Variants in ADCY2 observed in about 807,000 individuals in gnomAD.
ADCY2 encodes the protein adenylate cyclase 2.
Under a neutral mutation model 125.2 loss-of-function variants are expected in ADCY2, and 31 were observed. The ratio of observed to expected loss-of-function variants is 0.25; its 90% CI spans 0.19 to 0.33. ADCY2 has a LOEUF of 0.33. Among genes scored for constraint, ADCY2 ranks in the 10% least tolerant of loss-of-function variants. The pLI, the probability that ADCY2 is intolerant of heterozygous loss-of-function variation, is 1.00. For missense variants in ADCY2, 904 were observed against 1,418.2 expected (o/e 0.64, Z 5.82); for synonymous variants, 512 against 548.4 (o/e 0.93, Z 0.93).
At chr5:7,712,932 T>G in intron 11 of ADCY2, 33 bp downstream of exon 11, 1 of 1,430,492 alleles carries the variant, frequency 7.0e-7, no homozygotes, top group Non-Finnish European at 9.8e-7. Context: ...TTTTTAAAGC[T>G]TATTGCTCTT....
At chr5:7,815,056 C>T (rs1745066463) in intron 22 of ADCY2, among the ~76,000 whole-genome samples, 1 of 152,198 alleles carries the variant, frequency 6.6e-6, no homozygotes, top group Non-Finnish European at 1.5e-5. Flanking sequence ...GGCACATTCA[C>T]GATCCTTCCT....
intron 3 of ADCY2, among the ~76,000 whole-genome samples, chr5:7,569,975 G>A (rs1246533523): frequency 7.0e-6 from 1 of 143,582 alleles, no homozygotes; most frequent in Non-Finnish European, 1.5e-5. Flanking sequence ...TAATAATCTT[G>A]AAAGTGCAAG....
At chr5:7,566,836 G>A (rs1192736725) in intron 3 of ADCY2, among the ~76,000 whole-genome samples, 1 of 152,200 alleles carries the variant, frequency 6.6e-6, no homozygotes, top group Admixed American at 6.5e-5. Context: ...GTAGCATTTG[G>A]AACTTTCCAA....
In ADCY2 at chr5:7,827,019, C is replaced by T; in HGVS notation, c.*148C>T. ...CTCGTTCTCGTGACCCAGTGGCATA[C>T]CGTTTGGTGTCTGATGTGTGCCCAG... is the stretch of plus-strand genomic sequence containing the variant. On this transcript the variant is annotated 3_prime_UTR_variant, in exon 25 of 25. Coordinates refer to ENST00000338316, the MANE Select transcript of ADCY2 (RefSeq NM_020546.3). 2 of 955,670 alleles carry T rather than the reference C, an allele frequency of 2.1e-6. No homozygotes were observed. The highest frequency in any genetic ancestry group is 3.3e-4 in the Middle Eastern group (1 of 2,994). The allele number at this position is 955,670 out of a possible 1,614,324, so 59.2% of individuals were successfully genotyped here. A position where few individuals can be genotyped will look rare whatever the true frequency, so the allele number is the denominator to read the frequency against.
chr5:7,770,536 C>A (rs1306578171), intron 17 of ADCY2, among the ~76,000 whole-genome samples: 1 of 152,214 alleles, frequency 6.6e-6, no homozygotes, highest in Admixed American at 6.5e-5. Context: ...ACAAGCTTCT[C>A]ATGGACTAGG....
rs991241670 is a variant in ADCY2 at position 7,498,853 on chromosome 5, A to C, written c.409-21885A>C. Among the ~76,000 whole-genome samples the C allele has an allele frequency of 1.6e-4, 24 of 152,250 alleles. 1 individual carries two copies. Among genetic ancestry groups the C allele is most frequent in the Non-Finnish European group, 1.2e-4 (8 of 68,044 alleles). On this transcript the variant is annotated intron_variant, in intron 2 of 24. Transcript: ENST00000338316. ...TGCTAGACAGTGATGACAATGAAGC[A>C]ACCATAATGATTACATTCAGAGACA... is the stretch of plus-strand genomic sequence containing the variant.
chr5:7,574,396 A>G (rs1342439553), intron 3 of ADCY2, among the ~76,000 whole-genome samples: 1 of 151,944 alleles, frequency 6.6e-6, no homozygotes, highest in Non-Finnish European at 1.5e-5. Flanking sequence ...AAGTGTTCCT[A>G]TTTCTCCAGG....
At chr5:7,660,944 G>A (rs891416749) in intron 4 of ADCY2, among the ~76,000 whole-genome samples, 1 of 152,182 alleles carries the variant, frequency 6.6e-6, no homozygotes. Context: ...ACATGCTGCT[G>A]GAGGCAGAAT....
At chr5:7,639,651 A>G (rs968749373) in intron 4 of ADCY2, among the ~76,000 whole-genome samples, 1 of 152,208 alleles carries the variant, frequency 6.6e-6, no homozygotes, top group African/African-American at 2.4e-5. Flanking sequence ...CAATTTTTGC[A>G]TACTCCATAC....
At chr5:7,688,232 G>A (rs1039712610) in intron 4 of ADCY2, among the ~76,000 whole-genome samples, 1 of 151,504 alleles carries the variant, frequency 6.6e-6, no homozygotes, top group Admixed American at 6.6e-5. Flanking sequence ...CTCTGTTCAT[G>A]TCTGAGGATA....
chr5:7,582,770 A>G (rs552671216), intron 3 of ADCY2, among the ~76,000 whole-genome samples: 161 of 152,202 alleles, frequency 1.1e-3, no homozygotes, highest in Middle Eastern at 0.01. Context: ...TAAAACTAAC[A>G]TTTTACTCAA....
chr5:7,435,536 C>T (rs1318212810), intron 2 of ADCY2, among the ~76,000 whole-genome samples: 1 of 152,206 alleles, frequency 6.6e-6, no homozygotes, highest in African/African-American at 2.4e-5. Context: ...GAAACACTCT[C>T]ATTGCATTTA....
chr5:7,729,418 A>G (rs1284933363), intron 14 of ADCY2, among the ~76,000 whole-genome samples: 7 of 151,902 alleles, frequency 4.6e-5, no homozygotes, highest in Middle Eastern at 3.4e-3. Context: ...TATTTATTCA[A>G]TTTGATATCT....
chr5:7,583,709 A>C (rs1447128574), intron 3 of ADCY2, among the ~76,000 whole-genome samples: 1 of 152,158 alleles, frequency 6.6e-6, no homozygotes, highest in Non-Finnish European at 1.5e-5. Flanking sequence ...AATTTCTTTC[A>C]AAATGAATCA....
At chr5:7,704,087 G>A (rs1266262301) in intron 7 of ADCY2, among the ~76,000 whole-genome samples, 3 of 151,912 alleles carry the variant, frequency 2.0e-5, no homozygotes, top group Admixed American at 6.6e-5. Context: ...TCCAGGAATT[G>A]TTTGTCCACT....
chr5:7,433,654 GA>G (rs954113188), intron 2 of ADCY2, among the ~76,000 whole-genome samples: 19 of 149,200 alleles, frequency 1.3e-4, no homozygotes, highest in East Asian at 3.9e-4. Flanking sequence ...CTTGAAGAAA[GA>G]AAAAAAAATG....
intron 4 of ADCY2, among the ~76,000 whole-genome samples, chr5:7,628,837 A>C (rs933726803): frequency 6.6e-6 from 1 of 151,784 alleles, no homozygotes; most frequent in Non-Finnish European, 1.5e-5. Flanking sequence ...AAAAAAAAAA[A>C]CCATCAGTAA....
intron 24 of ADCY2, among the ~76,000 whole-genome samples, chr5:7,826,180 T>C (rs565785397): frequency 6.6e-6 from 1 of 152,184 alleles, no homozygotes; most frequent in African/African-American, 2.4e-5. Context: ...GACGCGACCA[T>C]TGGCAGGAGT....
chr5:7,676,877 A>G (rs939698253), intron 4 of ADCY2, among the ~76,000 whole-genome samples: 1 of 152,212 alleles, frequency 6.6e-6, no homozygotes. Context: ...AGAAATTCAA[A>G]CTGGAATTTA....
Sources: gnomAD v4.1 joint callset for allele counts (sites outside exome capture counted in the v4.1 genomes callset) on GRCh38, gnomAD v4.1.1 for gene constraint, MANE v1.5 for transcripts, NCBI Gene and HGNC (gene_info 2026-07-23, HGNC 2026-07-21) for gene names.